The following DNM1 variants were observed in gnomAD, a reference collection of about 807,000 sequenced individuals.
DNM1 encodes the protein dynamin 1.
In DNM1, 29 loss-of-function variants were observed where a neutral mutation model predicts 104.6. The observed-to-expected ratio is 0.28, with a 90% CI of 0.21 to 0.38. The LOEUF (loss-of-function observed/expected upper bound fraction) is 0.38. Ranked by LOEUF, DNM1 falls within the 10% of genes least tolerant of loss-of-function variation. DNM1 has a pLI of 1.00. For synonymous variants in DNM1, 445 were observed against 475.8 expected (o/e 0.94, Z 0.84); for missense variants, 640 against 1,189.4 (o/e 0.54, Z 6.79).
intron 10 of DNM1, among the ~76,000 whole-genome samples, chr9:128,231,103 G>C (rs188741191): frequency 6.7e-4 from 100 of 149,940 alleles, no homozygotes; most frequent in Admixed American, 5.5e-3. Flanking sequence ...ATGCCCTGCC[G>C]TCTGTGTGAT....
Position 128,254,561 on chromosome 9 carries a change from G to A in DNM1, c.2535-93G>A, listed in dbSNP as rs894354988. 1.5e-4 allele frequency: 241 copies of A among 1,566,632 alleles called. No individual in the cohort carries two copies. Among genetic ancestry groups the A allele is most frequent in the Admixed American group, 8.3e-4 (48 of 57,602 alleles). On this transcript the variant is annotated intron_variant, in intron 21 of 21. Coordinates refer to ENST00000372923, the MANE Select transcript of DNM1 (RefSeq NM_004408.4). The surrounding 1 kb of genome is among the most constrained non-coding windows in gnomAD (Gnocchi z 6.1). ...CCGGCCCTCCCACCACTGCTGCGGCGCGGCCGGCCCCGGCCGTGTGCTGCG... is the reference window on the plus strand; with the variant it reads ...CCGGCCCTCCCACCACTGCTGCGGCACGGCCGGCCCCGGCCGTGTGCTGCG...
At position 128,254,255 on chromosome 9, in the gene DNM1, T is replaced by C; in HGVS notation, c.2535-399T>C. ...TTTCTCTATCAGGCCTGGTGGCTGTTGCATGGGGCTCCCCAAGGCAAGGGG... is the reference window on the plus strand; with the variant it reads ...TTTCTCTATCAGGCCTGGTGGCTGTCGCATGGGGCTCCCCAAGGCAAGGGG... On this transcript the variant is annotated intron_variant, in intron 21 of 21. Coordinates refer to ENST00000372923, the MANE Select transcript of DNM1 (RefSeq NM_004408.4). The surrounding 1 kb of genome is among the most constrained non-coding windows in gnomAD (Gnocchi z 6.1). 1 of 1,378,080 alleles carries C rather than the reference T, an allele frequency of 7.3e-7. No homozygotes were observed. Among genetic ancestry groups the C allele is most frequent in the South Asian group, 1.8e-5 (1 of 54,422 alleles). The allele number at this position is 1,378,080 out of a possible 1,614,324, so 85.4% of individuals were successfully genotyped here.
At chr9:128,251,325 G>C in intron 21 of DNM1, 5 of 383,072 alleles carry the variant, frequency 1.3e-5, no homozygotes, top group South Asian at 9.6e-5. Context: ...CCAGCCCCTG[G>C]GGAGCCTACC....
At chr9:128,239,830 C>T (rs536222614) in intron 13 of DNM1, 51 bp downstream of exon 13, 1 of 1,588,178 alleles carries the variant, frequency 6.3e-7, no homozygotes, top group Admixed American at 1.7e-5. Flanking sequence ...GCCGGACGGA[C>T]ACCAGACTCT....
At chr9:128,244,133 T>C (rs1265037597) in intron 15 of DNM1, among the ~76,000 whole-genome samples, 3 of 138,626 alleles carry the variant, frequency 2.2e-5, no homozygotes, top group African/African-American at 3.2e-5. Flanking sequence ...AAAGCAGGTG[T>C]GTGTGGGGAG....
At chr9:128,252,812 G>A in intron 21 of DNM1, 2 of 662,196 alleles carry the variant, frequency 3.0e-6, no homozygotes, top group Admixed American at 2.1e-5. Context: ...GTGAGCTTCT[G>A]TGTTGTGACT....
Position 128,248,020 on chromosome 9 carries a change from G to T in DNM1, c.1905+85G>T, listed in dbSNP as rs1446738109. 2 of 1,575,714 alleles carry T rather than the reference G, an allele frequency of 1.3e-6. No individual in the cohort carries two copies. On this transcript the variant is annotated intron_variant, in intron 18 of 21. Transcript: ENST00000372923. This position sits in a 1 kb window ranked among gnomAD's most constrained non-coding sequence, Gnocchi z 5.6. ...CAGGTTTTCAAGCAAGGGACCTGGAGATGTTCTTTTCTAATTTCTGGATTG... is the reference window on the plus strand; with the variant it reads ...CAGGTTTTCAAGCAAGGGACCTGGATATGTTCTTTTCTAATTTCTGGATTG...
intron 10 of DNM1, among the ~76,000 whole-genome samples, chr9:128,230,290 GAA>G (rs1013338490): frequency 7.0e-6 from 1 of 141,944 alleles, no homozygotes; most frequent in Admixed American, 7.0e-5. Flanking sequence ...ATATTGTTGG[GAA>G]AAAAAAAAAG....
chr9:128,206,448 G>A (rs1046272754), intron 1 of DNM1, among the ~76,000 whole-genome samples: 1 of 152,146 alleles, frequency 6.6e-6, no homozygotes, highest in South Asian at 2.1e-4. Context: ...CAGCACTGGG[G>A]ATTCTATGGT....
intron 11 of DNM1, among the ~76,000 whole-genome samples, chr9:128,238,907 G>A (rs969501042): frequency 2.0e-5 from 3 of 151,906 alleles, no homozygotes; most frequent in Non-Finnish European, 2.9e-5. Flanking sequence ...CACCCACCTC[G>A]GCCTCCCAAA....
chr9:128,225,766 C>T (rs965926617), intron 10 of DNM1, among the ~76,000 whole-genome samples: 6 of 152,060 alleles, frequency 3.9e-5, no homozygotes, highest in East Asian at 1.9e-4. Flanking sequence ...CTTGGTCCCT[C>T]GTACCTCTGG....
At position 128,254,278 on chromosome 9, in the gene DNM1, GGGT is replaced by G; in HGVS notation, c.2535-373_2535-371del. ...GTTGCATGGGGCTCCCCAAGGCAAG[GGGT>G]GGCCCCAGGCCAGTGGGTTGGAAGA... On this transcript the variant is annotated intron_variant, in intron 21 of 21. Coordinates refer to ENST00000372923, the MANE Select transcript of DNM1 (RefSeq NM_004408.4). The surrounding 1 kb of genome is among the most constrained non-coding windows in gnomAD (Gnocchi z 6.1). 7.2e-7 allele frequency: 1 copy of G among 1,386,456 alleles called. No individual in the cohort carries two copies. Among genetic ancestry groups the G allele is most frequent in the Non-Finnish European group, 9.3e-7 (1 of 1,080,208 alleles). 85.9% of individuals were successfully genotyped at this position (1,386,456 alleles called of 1,614,324 possible). A position where few individuals can be genotyped will look rare whatever the true frequency, so the allele number is the denominator to read the frequency against.
chr9:128,242,383 G>T (rs559434137), intron 15 of DNM1, 38 bp downstream of exon 15: 7 of 1,201,172 alleles, frequency 5.8e-6, no homozygotes, highest in Admixed American at 5.1e-5. Flanking sequence ...GGGCTGGGCT[G>T]GTGGACAGAG....
chr9:128,244,855 C>T (rs1836661066), intron 15 of DNM1: 1 of 517,030 alleles, frequency 1.9e-6, no homozygotes, highest in African/African-American at 1.9e-5. Context: ...AGTGTCTGTC[C>T]ATCCGGTGGG....
At chr9:128,208,710 C>T (rs191866366) in intron 1 of DNM1, among the ~76,000 whole-genome samples, 309 of 151,116 alleles carry the variant, frequency 2.0e-3, no homozygotes, top group African/African-American at 7.5e-3. Context: ...TGCGGCTGAT[C>T]GGGGCAGACA....
chr9:128,215,258 G>A (rs1834535830), intron 1 of DNM1, among the ~76,000 whole-genome samples: 1 of 152,216 alleles, frequency 6.6e-6, no homozygotes, highest in Admixed American at 6.5e-5. Flanking sequence ...CTCAGCATGG[G>A]GCAGATGGTC....
At position 128,209,105 on chromosome 9, in the gene DNM1, C is replaced by T. The variant is rs1174425284; in HGVS notation, c.161+5474C>T. On this transcript the variant is annotated intron_variant, in intron 1 of 21. Coordinates refer to ENST00000372923, the MANE Select transcript of DNM1 (RefSeq NM_004408.4). ...CCCCCACCCACCTGGAGAGCTGCCA[C>T]ACTCTGCTCCAGCCTCTGCATGCTC... 2.0e-5 allele frequency among the ~76,000 whole-genome samples: 3 copies of T among 152,314 alleles called. No individual in the cohort carries two copies. In the East Asian group the frequency reaches 5.8e-4, roughly 29 times the overall value.
chr9:128,220,885 TTTTC>T lies in DNM1; in HGVS notation c.849+592_849+595del, dbSNP rs373253077. On this transcript the variant is annotated intron_variant, in intron 6 of 21. Transcript: ENST00000372923. The surrounding 1 kb of genome is among the most constrained non-coding windows in gnomAD (Gnocchi z 5.2). ...CCTCTATTTCTTTTTTCTTTATTTG[TTTTC>T]TTTCTTTCTTTCTTTCTTTCTTTCT... 0.078 allele frequency among the ~76,000 whole-genome samples: 9,199 copies of T among 117,488 alleles called. 475 individuals are homozygous for T. The highest frequency in any genetic ancestry group is 0.16 in the African/African-American group (5,073 of 31,442). The allele number at this position is 117,488 out of a possible 152,430, so 77.1% of individuals were successfully genotyped here.
chr9:128,211,617 C>T (rs1588328348), intron 1 of DNM1, among the ~76,000 whole-genome samples: 1 of 152,002 alleles, frequency 6.6e-6, no homozygotes, highest in East Asian at 1.9e-4. Context: ...AGCGATCCTC[C>T]CACCTCAGCC....
Sources: gnomAD v4.1 joint callset for allele counts (sites outside exome capture counted in the v4.1 genomes callset) on GRCh38, gnomAD v4.1.1 for gene constraint, Gnocchi (gnomAD v3.1) non-coding constraint, MANE v1.5 for transcripts, NCBI Gene and HGNC (gene_info 2026-07-23, HGNC 2026-07-21) for gene names.